The following RBM20 variants were observed in gnomAD, a reference collection of about 807,000 sequenced individuals.
RBM20 encodes RNA binding motif protein 20.
RBM20 carries 51 observed loss-of-function variants against 110.1 expected under a neutral mutation model. The ratio of observed to expected loss-of-function variants is 0.46; its 90% CI spans 0.37 to 0.59. The LOEUF (loss-of-function observed/expected upper bound fraction) is 0.59, where lower values mean the gene tolerates loss of function less well. Among genes scored for constraint, RBM20 ranks in the 20% least tolerant of loss-of-function variants. RBM20 has a pLI of 0.00. For missense variants in RBM20, 1,512 were observed against 1,574.9 expected (o/e 0.96, Z 0.68); for synonymous variants, 589 against 618.2 (o/e 0.95, Z 0.70).
intron 1 of RBM20, among the ~76,000 whole-genome samples, chr10:110,670,744 A>G (rs1306631638): frequency 1.3e-5 from 2 of 152,158 alleles, no homozygotes; most frequent in African/African-American, 4.8e-5. Context: ...ATACTTTGAG[A>G]TGTACTTCAG....
At chr10:110,697,998 C>A (rs980088624) in intron 1 of RBM20, among the ~76,000 whole-genome samples, 2 of 151,938 alleles carry the variant, frequency 1.3e-5, no homozygotes, top group Admixed American at 1.3e-4. Context: ...AGCTCCACCT[C>A]CCGGCTTCAC....
chr10:110,655,826 C>T (rs901675706), intron 1 of RBM20, among the ~76,000 whole-genome samples: 1 of 152,056 alleles, frequency 6.6e-6, no homozygotes, highest in African/African-American at 2.4e-5. Context: ...CCATGAGTTT[C>T]TCAGTGTATT....
intron 1 of RBM20, among the ~76,000 whole-genome samples, chr10:110,758,145 A>G (rs1843946190): frequency 6.8e-6 from 1 of 146,854 alleles, no homozygotes; most frequent in Non-Finnish European, 1.5e-5. Flanking sequence ...CAGCCTCCCA[A>G]GTAGCTGGGA....
upstream of RBM20, among the ~76,000 whole-genome samples, chr10:110,644,176 A>T (rs945791388): frequency 2.0e-5 from 3 of 151,926 alleles, no homozygotes; most frequent in Non-Finnish European, 4.4e-5. The surrounding 1 kb of genome is among the most constrained non-coding windows in gnomAD (Gnocchi z 4.3). Context: ...TCCTGGGTCC[A>T]GCTTGGCGCT....
At chr10:110,714,712 C>T (rs1395902316) in intron 1 of RBM20, among the ~76,000 whole-genome samples, 1 of 152,162 alleles carries the variant, frequency 6.6e-6, no homozygotes, top group African/African-American at 2.4e-5. Flanking sequence ...GGCAGTCCTT[C>T]CTGGTTGTCC....
At chr10:110,778,027 C>T (rs1301435002) in intron 1 of RBM20, among the ~76,000 whole-genome samples, 2 of 152,200 alleles carry the variant, frequency 1.3e-5, no homozygotes, top group African/African-American at 4.8e-5. Flanking sequence ...ACCATCCATT[C>T]TCCTCTTCCT....
intron 2 of RBM20, among the ~76,000 whole-genome samples, 194 bp from the exon 3 acceptor site, chr10:110,783,172 A>C (rs1408876284): frequency 6.6e-6 from 1 of 152,016 alleles, no homozygotes; most frequent in East Asian, 1.9e-4. Context: ...TGATGGAGCA[A>C]AGGCTGGATG....
At chr10:110,673,063 C>G (rs1196609810) in intron 1 of RBM20, among the ~76,000 whole-genome samples, 1 of 151,960 alleles carries the variant, frequency 6.6e-6, no homozygotes, top group Non-Finnish European at 1.5e-5. Context: ...TTTTTATTTT[C>G]ATTAAAAAAT....
chr10:110,720,883 A>G (rs1014295597), intron 1 of RBM20, among the ~76,000 whole-genome samples: 4 of 152,184 alleles, frequency 2.6e-5, no homozygotes, highest in Admixed American at 1.3e-4. Flanking sequence ...AGGTCCCACT[A>G]TGGCCTGGCA....
At chr10:110,779,997 GT>G (rs11296508) in intron 1 of RBM20, among the ~76,000 whole-genome samples, 15,757 of 151,696 alleles carry the variant, frequency 0.1, 885 homozygotes, top group African/African-American at 0.13. Flanking sequence ...TTTTGTTTTT[GT>G]TTTTTTGTAA....
Position 110,644,563 on chromosome 10 carries a change from G to T in RBM20, c.109G>T (p.Gly37Cys). The T allele has an allele frequency of 6.6e-7, 1 of 1,525,490 alleles. No individual in the cohort carries two copies. Among genetic ancestry groups the T allele is most frequent in the South Asian group, 1.2e-5 (1 of 82,278 alleles). The allele number at this position is 1,525,490 out of a possible 1,614,324, so 94.5% of individuals were successfully genotyped here. ...PGARASPAPSGPRGMQQPPPP... is the reference protein window; with the variant it reads ...PGARASPAPSCPRGMQQPPPP... ...TGCCCGGGCGTCCCCGGCACCCTCCGGCCCGCGAGGGATGCAGCAGCCGCC... is the reference window on the plus strand; with the variant it reads ...TGCCCGGGCGTCCCCGGCACCCTCCTGCCCGCGAGGGATGCAGCAGCCGCC... The change falls in exon 1 of 14, where the codon GGC becomes TGC. Residue 37 changes from glycine to cysteine, a missense_variant. By Grantham distance (159) the Gly-to-Cys change is radical. This residue lies in a region of RBM20 where 1,149 missense variants were observed against 1,169.4 expected (regional missense o/e 0.98). Coordinates refer to ENST00000369519, the MANE Select transcript of RBM20 (RefSeq NM_001134363.3). This position sits in a 1 kb window ranked among gnomAD's most constrained non-coding sequence, Gnocchi z 4.3.
intron 1 of RBM20, among the ~76,000 whole-genome samples, chr10:110,700,072 T>A (rs931451089): frequency 6.6e-6 from 1 of 152,188 alleles, no homozygotes; most frequent in Non-Finnish European, 1.5e-5. Context: ...ATTTCTGGAA[T>A]TTTCCATGTA....
intron 1 of RBM20, among the ~76,000 whole-genome samples, chr10:110,706,402 C>G (rs1013554925): frequency 2.0e-5 from 3 of 152,246 alleles, no homozygotes; most frequent in African/African-American, 7.2e-5. Context: ...CTGTGTGTCT[C>G]TGGGACAGCC....
intron 3 of RBM20, 35 bp from the exon 4 acceptor site, chr10:110,784,306 T>C (rs1178559775): frequency 2.1e-6 from 3 of 1,452,096 alleles, no homozygotes; most frequent in Non-Finnish European, 2.8e-6. Context: ...GTTTAACTTA[T>C]TAAGGAGCCG....
intron 5 of RBM20, among the ~76,000 whole-genome samples, chr10:110,796,123 T>C (rs939204598): frequency 3.3e-5 from 5 of 152,246 alleles, no homozygotes; most frequent in Non-Finnish European, 7.3e-5. Flanking sequence ...CTTTTTTCTT[T>C]ATTGGAATTG....
chr10:110,688,912 G>A (rs12218901), intron 1 of RBM20, among the ~76,000 whole-genome samples: 33,486 of 150,910 alleles, frequency 0.22, 3,853 homozygotes, highest in East Asian at 0.33. Flanking sequence ...GCCTATAATA[G>A]CTTCTCTGTC....
chr10:110,791,006 C>T (rs746958972), intron 5 of RBM20, among the ~76,000 whole-genome samples: 10 of 152,172 alleles, frequency 6.6e-5, no homozygotes, highest in East Asian at 3.8e-4. Flanking sequence ...GTCCAAGATC[C>T]GTAGGCAATC....
At chr10:110,650,689 C>G (rs1487518541) in intron 1 of RBM20, among the ~76,000 whole-genome samples, 1 of 152,242 alleles carries the variant, frequency 6.6e-6, no homozygotes, top group African/African-American at 2.4e-5. Context: ...ACTTCCCACT[C>G]TGACCCAAAC....
chr10:110,695,412 G>A (rs56994319), intron 1 of RBM20, among the ~76,000 whole-genome samples: 4,390 of 152,270 alleles, frequency 0.029, 192 homozygotes, highest in African/African-American at 0.096. Context: ...GGATGGGAAC[G>A]GGTGCTATTT....
Sources: allele counts gnomAD v4.1 joint callset (sites outside exome capture counted in the v4.1 genomes callset), GRCh38; gene constraint gnomAD v4.1.1; regional missense constraint gnomAD v4.1.1; non-coding constraint Gnocchi (gnomAD v3.1); transcripts MANE v1.5; gene names NCBI Gene and HGNC (gene_info 2026-07-23, HGNC 2026-07-21).